Variants in REPS2 observed in about 807,000 individuals in gnomAD.
The protein encoded by REPS2 is RALBP1 associated Eps domain containing 2.
Under a neutral mutation model 53.6 loss-of-function variants are expected in REPS2, and 23 were observed. The observed-to-expected ratio is 0.43, with a 90% CI of 0.31 to 0.61. The LOEUF (loss-of-function observed/expected upper bound fraction) is 0.61. REPS2 is among the 20% of genes least tolerant of loss of function. The pLI is 0.11. For synonymous variants in REPS2, 238 were observed against 218.6 expected, an observed-to-expected ratio of 1.09 and a Z score of -0.78; for missense variants, 446 against 534.9, an observed-to-expected ratio of 0.83 and a Z score of 1.64.
intron 1 of REPS2, among the ~76,000 whole-genome samples, chrX:16,958,127 G>A (rs2060618782): frequency 9.0e-6 from 1 of 111,490 alleles, no homozygotes; most frequent in African/African-American, 3.3e-5. Flanking sequence ...AATATATATG[G>A]GTTGAATCTC....
chrX:17,134,845 A>G (rs1177182377), intron 15 of REPS2, among the ~76,000 whole-genome samples: 1 of 110,265 alleles, frequency 9.1e-6, no homozygotes, highest in South Asian at 3.9e-4. Flanking sequence ...GATGGTCTCG[A>G]TCTCCTGACC....
intron 2 of REPS2, among the ~76,000 whole-genome samples, chrX:17,009,342 A>AT (rs1198966880): frequency 9.0e-6 from 1 of 110,658 alleles, no homozygotes; most frequent in Non-Finnish European, 1.9e-5. Context: ...TAATTTTTGT[A>AT]TTTTTTGTAG....
chrX:17,183,578 G>A, the REPS2 span, among the ~76,000 whole-genome samples: 1 of 111,623 alleles, frequency 9.0e-6, no homozygotes, highest in East Asian at 2.8e-4. Context: ...CCCTTCTCAC[G>A]ACCACCACTG....
intron 11 of REPS2, among the ~76,000 whole-genome samples, chrX:17,072,029 A>G (rs1294056054): frequency 9.0e-6 from 1 of 111,387 alleles, no homozygotes; most frequent in African/African-American, 3.3e-5. Flanking sequence ...CAGCTGGTTC[A>G]CCCTCACAGT....
intron 1 of REPS2, among the ~76,000 whole-genome samples, chrX:16,958,125 T>C (rs2060618688): frequency 1.8e-5 from 2 of 111,541 alleles, no homozygotes; most frequent in South Asian, 3.7e-4. Flanking sequence ...ATAATATATA[T>C]GGGTTGAATC....
chrX:17,093,869 C>T (rs2062661149), intron 13 of REPS2, among the ~76,000 whole-genome samples: 1 of 111,220 alleles, frequency 9.0e-6, no homozygotes, highest in African/African-American at 3.3e-5. Context: ...GATTCAACCA[C>T]AGACGTCTTC....
chrX:17,120,302 CAG>C (rs946056968), intron 14 of REPS2, among the ~76,000 whole-genome samples: 1 of 111,810 alleles, frequency 8.9e-6, no homozygotes, highest in Non-Finnish European at 1.9e-5. Context: ...GGGTTGGGCT[CAG>C]GGAGGCAGCT....
intron 1 of REPS2, among the ~76,000 whole-genome samples, chrX:16,975,361 C>G (rs986738427): frequency 1.8e-5 from 2 of 112,077 alleles, no homozygotes; most frequent in African/African-American, 6.5e-5. Flanking sequence ...TTTTTCTCTG[C>G]AACCTCACTG....
intron 1 of REPS2, among the ~76,000 whole-genome samples, chrX:16,960,291 G>A (rs1359939268): frequency 9.0e-6 from 1 of 111,045 alleles, no homozygotes; most frequent in Non-Finnish European, 1.9e-5. Flanking sequence ...CGCTGGAGCC[G>A]AGGATTTTGA....
chrX:17,186,243 A>C, the REPS2 span, among the ~76,000 whole-genome samples: 1 of 112,584 alleles, frequency 8.9e-6, no homozygotes, highest in Non-Finnish European at 1.9e-5. Context: ...AGGTGCTAAC[A>C]GTGGACACTG....
At chrX:17,060,549 A>G (rs2062145494) in intron 8 of REPS2, among the ~76,000 whole-genome samples, 1 of 110,899 alleles carries the variant, frequency 9.0e-6, no homozygotes, top group African/African-American at 3.3e-5. Flanking sequence ...AAGAGGGTGC[A>G]TGATCTTAGG....
chrX:17,151,751 A>G lies in REPS2; in HGVS notation c.*4270A>G, dbSNP rs747683928. On this transcript the variant is annotated 3_prime_UTR_variant, in exon 18 of 18. Coordinates refer to ENST00000357277, the MANE Select transcript of REPS2 (RefSeq NM_004726.3). Reference sequence around the variant, plus strand: ...AGAGGTGTTTTCCCACTGTGTTTAAAGAGAACACTAGTAATTCTGGTTTTT... The same window carrying G: ...AGAGGTGTTTTCCCACTGTGTTTAAGGAGAACACTAGTAATTCTGGTTTTT... The G allele has an allele frequency of 1.2e-4, 13 of 112,633 alleles. No individual in the cohort carries two copies. In the South Asian group the frequency reaches 4.7e-3, roughly 41 times the overall value. The allele number at this position is 112,633 out of a possible 1,213,427, so 9.3% of individuals were successfully genotyped here.
chrX:16,975,349 C>G (rs1408514476), intron 1 of REPS2, among the ~76,000 whole-genome samples: 1 of 111,903 alleles, frequency 8.9e-6, no homozygotes, highest in African/African-American at 3.3e-5. Context: ...TGTAAGCATT[C>G]CTTTTTCTCT....
rs146905460 is a variant in REPS2 at position 17,037,215 on chromosome X, A to G, written c.771+7592A>G. 4.9e-3 allele frequency among the ~76,000 whole-genome samples: 549 copies of G among 111,920 alleles called. 5 individuals carry two copies. The highest frequency in any genetic ancestry group is 0.016 in the African/African-American group (501 of 30,843). ...TCTAGCTCTTAACTTTTGGGGAAGGAAACATTTAATCTCAACTGATACTGA... is the reference window on the plus strand; with the variant it reads ...TCTAGCTCTTAACTTTTGGGGAAGGGAACATTTAATCTCAACTGATACTGA... On this transcript the variant is annotated intron_variant, in intron 5 of 17. Transcript: ENST00000357277.
the REPS2 span, among the ~76,000 whole-genome samples, chrX:17,187,073 G>T: frequency 9.0e-6 from 1 of 111,529 alleles, no homozygotes. Flanking sequence ...TACCTCAAAA[G>T]CTATTGAAAT....
intron 17 of REPS2, among the ~76,000 whole-genome samples, chrX:17,144,394 A>T (rs1283526124): frequency 1.8e-5 from 2 of 112,093 alleles, no homozygotes; most frequent in Admixed American, 1.9e-4. Context: ...ATTTTAGCCA[A>T]CTCCCATCTC....
chrX:17,195,290 C>T, the REPS2 span, among the ~76,000 whole-genome samples: 1 of 112,331 alleles, frequency 8.9e-6, no homozygotes, highest in Non-Finnish European at 1.9e-5. Flanking sequence ...CTCGTCTCTG[C>T]CCACCTTTCA....
chrX:17,195,368 A>G, the REPS2 span, among the ~76,000 whole-genome samples: 1 of 112,207 alleles, frequency 8.9e-6, no homozygotes, highest in African/African-American at 3.2e-5. Context: ...TTCGGTGAAG[A>G]TAATGAAAGG....
At chrX:17,091,109 C>G (rs940107288) in intron 13 of REPS2, among the ~76,000 whole-genome samples, 1 of 112,134 alleles carries the variant, frequency 8.9e-6, no homozygotes, top group Non-Finnish European at 1.9e-5. Context: ...TAGCACTATA[C>G]TGAATGTTTT....
Sources: allele counts gnomAD v4.1 joint callset (sites outside exome capture counted in the v4.1 genomes callset), GRCh38; gene constraint gnomAD v4.1.1; transcripts MANE v1.5; gene names NCBI Gene and HGNC (gene_info 2026-07-23, HGNC 2026-07-21).